Variants in ACLY observed in about 807,000 individuals in gnomAD.
ACLY encodes the protein ATP-citrate synthase.
In ACLY, 41 loss-of-function variants were observed where a neutral mutation model predicts 133.0. The ratio of observed to expected loss-of-function variants is 0.31; its 90% CI spans 0.24 to 0.40. ACLY has a LOEUF of 0.40. ACLY is among the 10% of genes least tolerant of loss of function. The pLI, the probability that ACLY is intolerant of heterozygous loss-of-function variation, is 1.00. For missense variants in ACLY, 1,046 were observed against 1,453.8 expected (o/e 0.72, Z 4.56); for synonymous variants, 495 against 549.3 (o/e 0.90, Z 1.38).
At chr17:41,878,061 A>C (rs1246586240) in intron 22 of ACLY, 42 bp downstream of exon 22, 5 of 1,387,090 alleles carry the variant, frequency 3.6e-6, no homozygotes, top group Non-Finnish European at 4.8e-6. Context: ...AGACCCACAG[A>C]TCTCCCTTGC....
chr17:41,876,306 C>T (rs1209686291), intron 22 of ACLY, among the ~76,000 whole-genome samples: 37 of 151,448 alleles, frequency 2.4e-4, no homozygotes, highest in Admixed American at 8.5e-4. Flanking sequence ...GTCAGCCCCC[C>T]GCCCGGCCAG....
intron 1 of ACLY, among the ~76,000 whole-genome samples, chr17:41,929,344 C>T (rs567502436): frequency 1.3e-5 from 2 of 152,240 alleles, no homozygotes; most frequent in South Asian, 4.1e-4. Flanking sequence ...ATCCTCCCAC[C>T]TCAGTCTCCA....
At chr17:41,893,938 G>A (rs1217347089) in intron 14 of ACLY, among the ~76,000 whole-genome samples, 1 of 152,322 alleles carries the variant, frequency 6.6e-6, no homozygotes, top group Middle Eastern at 3.4e-3. Flanking sequence ...CGCAGGTCAG[G>A]TGTGGTGGCT....
intron 1 of ACLY, 82 bp downstream of exon 1, chr17:41,918,798 G>A: frequency 7.9e-7 from 1 of 1,260,316 alleles, no homozygotes; most frequent in Non-Finnish European, 1.0e-6. Flanking sequence ...GTCGGGGAAG[G>A]CGGTTCCGGG....
upstream of ACLY, among the ~76,000 whole-genome samples, chr17:41,922,207 G>C (rs2144454112): frequency 6.6e-6 from 1 of 151,112 alleles, no homozygotes; most frequent in East Asian, 2.0e-4. Context: ...TGAAACCCAA[G>C]CTCTACTAAA....
At chr17:41,868,453 A>T (rs1000210375) in intron 28 of ACLY, among the ~76,000 whole-genome samples, 1 of 150,378 alleles carries the variant, frequency 6.6e-6, no homozygotes. Flanking sequence ...AAAAAAAAAA[A>T]TTTTCCTGGG....
intron 3 of ACLY, among the ~76,000 whole-genome samples, chr17:41,910,689 G>A (rs530747540): frequency 2.0e-5 from 3 of 152,328 alleles, no homozygotes; most frequent in Admixed American, 1.3e-4. Flanking sequence ...CAGGACATGG[G>A]TCCGGGCGCA....
In ACLY at chr17:41,872,170, G is replaced by A. The variant is rs1555625252; in HGVS notation, c.2655C>T (p.Tyr885=). Residue 885 remains tyrosine (Y), a synonymous_variant, in exon 24 of 29, where the codon TAC becomes TAT. Transcript: ENST00000352035. ...GACACATCTCAATGAACTGGCAAGA[G>A]TACTTAGGCAACCTGGAGTGGGGGG... is the stretch of plus-strand genomic sequence containing the variant. The part of the protein sequence containing the change: ...LLWFQKRLPK[Y]SCQFIEMCLM... 2 of 1,613,530 alleles carry A rather than the reference G, an allele frequency of 1.2e-6. No individual in the cohort carries two copies. The highest frequency in any genetic ancestry group is 2.2e-5 in the South Asian group (2 of 91,082).
Position 41,910,207 on chromosome 17 carries a change from C to A in ACLY, c.345+15G>T. The A allele has an allele frequency of 6.2e-7, 1 of 1,611,892 alleles. No homozygotes were observed. Among genetic ancestry groups the A allele is most frequent in the Non-Finnish European group, 8.5e-7 (1 of 1,178,888 alleles). On this transcript the variant is annotated intron_variant, in intron 4 of 28. Transcript: ENST00000352035. ...AGGAGGGAGAAGACCCAGCCTGGAG[C>A]CGCCTCACACATACCTGACTGTGGG... is the stretch of plus-strand genomic sequence containing the variant.
At chr17:41,877,473 C>T (rs188975139) in intron 22 of ACLY, among the ~76,000 whole-genome samples, 63 of 137,774 alleles carry the variant, frequency 4.6e-4, no homozygotes, top group African/African-American at 1.7e-3. Context: ...AAATTACAGA[C>T]AGGGTCTCAC....
intron 20 of ACLY, among the ~76,000 whole-genome samples, chr17:41,880,051 G>A (rs971307443): frequency 3.9e-5 from 6 of 152,120 alleles, no homozygotes; most frequent in African/African-American, 1.2e-4. Flanking sequence ...TTAATCAAGC[G>A]ATGGAGGAAA....
rs2048490486 is a variant in ACLY at position 41,867,234 on chromosome 17, CT to C, written c.*575del. The C allele has an allele frequency of 1.3e-5, 2 of 152,618 alleles. No individual in the cohort carries two copies. The highest frequency in any genetic ancestry group is 6.5e-5 in the Admixed American group (1 of 15,272). 9.5% of individuals were successfully genotyped at this position (152,618 alleles called of 1,614,324 possible). ...GCCCCATCCCCCTGACATAAACAGACTCTGGTCTGCAACACAGAACATTTCA... is the reference window on the plus strand; with the variant it reads ...GCCCCATCCCCCTGACATAAACAGACCTGGTCTGCAACACAGAACATTTCA... On this transcript the variant is annotated 3_prime_UTR_variant, in exon 29 of 29. Coordinates refer to ENST00000352035, the MANE Select transcript of ACLY (RefSeq NM_001096.3).
Position 41,898,452 on chromosome 17 carries a change from T to A in ACLY, c.1338+179A>T, listed in dbSNP as rs185234406. Among the ~76,000 whole-genome samples, 16 of 152,312 alleles carry A rather than the reference T, an allele frequency of 1.1e-4. No homozygotes were observed. In the East Asian group the frequency reaches 3.1e-3, roughly 29 times the overall value. On this transcript the variant is annotated intron_variant, in intron 12 of 28. Transcript: ENST00000352035. Reference sequence around the variant, plus strand: ...GATCCAATTTTAAAATCCTTTGTCCTTCCATTATACTACTTTAATCAGGAC... The same window carrying A: ...GATCCAATTTTAAAATCCTTTGTCCATCCATTATACTACTTTAATCAGGAC...
upstream of ACLY, among the ~76,000 whole-genome samples, chr17:41,923,557 C>T (rs1332541576): frequency 6.6e-6 from 1 of 152,212 alleles, no homozygotes; most frequent in Non-Finnish European, 1.5e-5. Context: ...GGGAAAGATC[C>T]TATCCAGTGG....
chr17:41,868,641 G>T, intron 28 of ACLY, 68 bp downstream of exon 28: 5 of 1,057,492 alleles, frequency 4.7e-6, no homozygotes, highest in Non-Finnish European at 6.7e-6. Context: ...TCAACCCCAT[G>T]AGTAAGTGGT....
At chr17:41,927,841 C>G (rs1166599668) in intron 1 of ACLY, among the ~76,000 whole-genome samples, 2 of 148,770 alleles carry the variant, frequency 1.3e-5, no homozygotes, top group African/African-American at 2.5e-5. Context: ...AAAAAAAACT[C>G]AATATTTATA....
At chr17:41,924,714 T>G (rs1292608013) in intron 1 of ACLY, among the ~76,000 whole-genome samples, 2 of 152,166 alleles carry the variant, frequency 1.3e-5, no homozygotes, top group East Asian at 3.9e-4. Flanking sequence ...AGAGGCTGCC[T>G]GCCACCAGGG....
chr17:41,898,513 T>C lies in ACLY; in HGVS notation c.1338+118A>G, dbSNP rs115517233. 15 of 1,338,644 alleles carry C rather than the reference T, an allele frequency of 1.1e-5. No homozygotes were observed. In the Admixed American group the frequency reaches 3.0e-4, roughly 26 times the overall value. 82.9% of individuals were successfully genotyped at this position (1,338,644 alleles called of 1,614,324 possible). A position where few individuals can be genotyped will look rare whatever the true frequency, so the allele number is the denominator to read the frequency against. On this transcript the variant is annotated intron_variant, in intron 12 of 28. Transcript: ENST00000352035. ...TTGGCAGAGATCCACAAACCAACCATGCACTAACTCCCGCTGTATTTCCTC... is the reference window on the plus strand; with the variant it reads ...TTGGCAGAGATCCACAAACCAACCACGCACTAACTCCCGCTGTATTTCCTC...
At chr17:41,919,157 C>T (rs2050138489), upstream of ACLY, 1 of 997,668 alleles carries the variant, frequency 1.0e-6, no homozygotes, top group Non-Finnish European at 1.3e-6. Context: ...GTCCCGCTGG[C>T]CCATCCACCG....
Sources: allele counts gnomAD v4.1 joint callset (sites outside exome capture counted in the v4.1 genomes callset), GRCh38; gene constraint gnomAD v4.1.1; transcripts MANE v1.5; gene names NCBI Gene and HGNC (gene_info 2026-07-23, HGNC 2026-07-21).